The following SPCS2 variants were observed in gnomAD, a reference collection of about 807,000 sequenced individuals.
SPCS2 encodes the protein SPase 25 kDa subunit.
In SPCS2, 3 loss-of-function variants were observed where a neutral mutation model predicts 22.3. That is an observed-to-expected ratio of 0.13 (90% CI 0.06 to 0.35). The LOEUF is 0.35. Ranked by LOEUF, SPCS2 falls within the 10% of genes least tolerant of loss-of-function variation. SPCS2 has a pLI of 1.00. For synonymous variants in SPCS2, 67 were observed against 97.2 expected (o/e 0.69, Z 1.83); for missense variants, 169 against 280.9 (o/e 0.60, Z 2.85).
rs1948281991 is a variant in SPCS2, at chr11:74,949,313, A to G, written c.28A>G (p.Arg10Gly). 7 of 1,550,266 alleles carry G rather than the reference A, an allele frequency of 4.5e-6. No individual in the cohort carries two copies. Among genetic ancestry groups the G allele is most frequent in the Middle Eastern group, 1.7e-4 (1 of 5,992 alleles). The change falls in exon 1 of 5, where the codon AGA (arginine) becomes GGA (glycine). Residue 10 changes from arginine to glycine, a missense_variant. By Grantham distance (125) the Arg-to-Gly change is moderately radical. Coordinates refer to ENST00000263672, the MANE Select transcript of SPCS2 (RefSeq NM_014752.3). MAAAAVQGG[R>G]SGGSGGCSGA... ...GGCGGCGGCAGCTGTACAGGGCGGGAGAAGCGGTGGTAGCGGAGGCTGTAG... is the reference window on the plus strand; with the variant it reads ...GGCGGCGGCAGCTGTACAGGGCGGGGGAAGCGGTGGTAGCGGAGGCTGTAG...
chr11:74,949,753 C>A (rs1948334762), intron 1 of SPCS2: 1 of 429,578 alleles, frequency 2.3e-6, no homozygotes, highest in Non-Finnish European at 4.7e-6. Context: ...AAACCGAAGC[C>A]CAAAGATTAA....
At chr11:74,950,075 C>G (rs762147932) in intron 1 of SPCS2, among the ~76,000 whole-genome samples, 1 of 151,886 alleles carries the variant, frequency 6.6e-6, no homozygotes, top group African/African-American at 2.4e-5. Flanking sequence ...TTTTTTTTAA[C>G]TGCAGTCCTA....
intron 1 of SPCS2, among the ~76,000 whole-genome samples, chr11:74,955,438 G>C (rs1375886543): frequency 6.6e-6 from 1 of 152,064 alleles, no homozygotes; most frequent in African/African-American, 2.4e-5. Flanking sequence ...TCCTGAAAAT[G>C]CGCTAAGTGA....
At chr11:74,955,848 TAA>T (rs1315351203) in intron 1 of SPCS2, among the ~76,000 whole-genome samples, 1 of 37,102 alleles carries the variant, frequency 2.7e-5, no homozygotes, top group African/African-American at 6.8e-5. Flanking sequence ...AATTACTAAT[TAA>T]AATATATATA....
rs935688783 is a variant in SPCS2, at chr11:74,961,728, A to T, written c.115-3306A>T. ...CTTTTAGTAGAGATGGGGTTTCACA[A>T]TGTTGGCCAGGCTGGTCTCGGACTC... On this transcript the variant is annotated intron_variant, in intron 1 of 4. Coordinates refer to ENST00000263672, the MANE Select transcript of SPCS2 (RefSeq NM_014752.3). 2.6e-5 allele frequency among the ~76,000 whole-genome samples: 4 copies of T among 152,014 alleles called. No homozygotes were observed. The East Asian group carries it at 7.7e-4, about 29-fold the overall frequency.
At chr11:74,956,818 T>G (rs1948481818) in intron 1 of SPCS2, among the ~76,000 whole-genome samples, 1 of 152,074 alleles carries the variant, frequency 6.6e-6, no homozygotes, top group African/African-American at 2.4e-5. Context: ...TCTGTCAGTT[T>G]CTGCTTGAGT....
intron 1 of SPCS2, among the ~76,000 whole-genome samples, chr11:74,959,622 C>G (rs1420626939): frequency 6.6e-6 from 1 of 152,154 alleles, no homozygotes; most frequent in Non-Finnish European, 1.5e-5. Context: ...AGGCTGATCT[C>G]AGACTCCTGA....
intron 1 of SPCS2, among the ~76,000 whole-genome samples, chr11:74,955,004 T>A (rs1948468511): frequency 1.3e-5 from 2 of 151,916 alleles, no homozygotes; most frequent in Non-Finnish European, 2.9e-5. Flanking sequence ...AAATGCAAAG[T>A]AAAACCACAA....
chr11:74,971,539 G>T (rs1268746523), intron 4 of SPCS2, among the ~76,000 whole-genome samples: 1 of 152,180 alleles, frequency 6.6e-6, no homozygotes, highest in Non-Finnish European at 1.5e-5. Context: ...GGAGTGGAAT[G>T]TGAATGTTCT....
At chr11:74,973,624 C>G (rs1022679296) in intron 4 of SPCS2, among the ~76,000 whole-genome samples, 1 of 152,174 alleles carries the variant, frequency 6.6e-6, no homozygotes, top group East Asian at 1.9e-4. Context: ...GCATCTGTAA[C>G]CCACTTCACT....
chr11:74,968,960 T>C (rs1948563163), intron 3 of SPCS2, among the ~76,000 whole-genome samples: 7 of 152,210 alleles, frequency 4.6e-5, no homozygotes. Context: ...TGAGCCATCG[T>C]GCCCAGCCTT....
At chr11:74,957,439 T>G (rs941443942) in intron 1 of SPCS2, among the ~76,000 whole-genome samples, 6 of 152,218 alleles carry the variant, frequency 3.9e-5, no homozygotes, top group Non-Finnish European at 5.9e-5. Context: ...ACTGATTGCA[T>G]GTAATTCTTA....
chr11:74,954,726 C>T (rs913849244), intron 1 of SPCS2, among the ~76,000 whole-genome samples: 3 of 151,922 alleles, frequency 2.0e-5, no homozygotes, highest in African/African-American at 7.3e-5. Flanking sequence ...TTTTTTATTT[C>T]CTCAAAATAA....
chr11:74,973,991 C>T (rs1376133520), intron 4 of SPCS2, among the ~76,000 whole-genome samples: 1 of 152,014 alleles, frequency 6.6e-6, no homozygotes, highest in Non-Finnish European at 1.5e-5. Flanking sequence ...GCTTCTCACA[C>T]AGTCTCCTCA....
chr11:74,957,731 T>C (rs1197141555), intron 1 of SPCS2, among the ~76,000 whole-genome samples: 1 of 152,236 alleles, frequency 6.6e-6, no homozygotes, highest in Non-Finnish European at 1.5e-5. Context: ...TAGTTTATAA[T>C]TCATTGTAAG....
intron 2 of SPCS2, among the ~76,000 whole-genome samples, chr11:74,965,351 A>G (rs1471494679): frequency 6.6e-6 from 1 of 152,144 alleles, no homozygotes; most frequent in Non-Finnish European, 1.5e-5. Context: ...CATGTACCCT[A>G]AAACTTAAAG....
intron 4 of SPCS2, among the ~76,000 whole-genome samples, chr11:74,973,289 T>C (rs577002198): frequency 1.2e-4 from 19 of 152,294 alleles, no homozygotes; most frequent in Middle Eastern, 6.8e-3. Context: ...AACACACACC[T>C]AGTCTTTTGA....
Position 74,957,392 on chromosome 11 carries a change from C to T in SPCS2, c.115-7642C>T, listed in dbSNP as rs533642155. The stretch of plus-strand genomic sequence containing the variant: ...ATTTCAGATGAAACGGCTGTATGGT[C>T]CTCTCCCTGAATTTGCACTCAGCTG... On this transcript the variant is annotated intron_variant, in intron 1 of 4. Coordinates refer to ENST00000263672, the MANE Select transcript of SPCS2 (RefSeq NM_014752.3). 4.6e-5 allele frequency among the ~76,000 whole-genome samples: 7 copies of T among 152,254 alleles called. No individual in the cohort carries two copies. In the South Asian group the frequency reaches 1.2e-3, roughly 27 times the overall value.
At position 74,978,205 on chromosome 11, in the gene SPCS2, C is replaced by T; in HGVS notation, c.*1162C>T. On this transcript the variant is annotated 3_prime_UTR_variant, in exon 5 of 5. Transcript: ENST00000263672. ...TTTGACCTTTAGGAATATTTCCCTA[C>T]AGCCTTACAAAACATCAATTTTGGC... 6.6e-6 allele frequency: 1 copy of T among 152,228 alleles called. No individual in the cohort carries two copies. Among genetic ancestry groups the T allele is most frequent in the East Asian group, 1.9e-4 (1 of 5,192 alleles). 9.4% of individuals were successfully genotyped at this position (152,228 alleles called of 1,614,324 possible). A position where few individuals can be genotyped will look rare whatever the true frequency, so the allele number is the denominator to read the frequency against.
Sources: allele counts gnomAD v4.1 joint callset (sites outside exome capture counted in the v4.1 genomes callset), GRCh38; gene constraint gnomAD v4.1.1; transcripts MANE v1.5; gene names NCBI Gene and HGNC (gene_info 2026-07-23, HGNC 2026-07-21).